The following MCC variants were observed in gnomAD, a reference collection of about 807,000 sequenced individuals.
MCC encodes the protein colorectal mutant cancer protein.
A neutral mutation model predicts 116.2 loss-of-function variants in MCC; 90 were observed. That is an observed-to-expected ratio of 0.77 (90% CI 0.65 to 0.92). The LOEUF (loss-of-function observed/expected upper bound fraction) is 0.92. MCC is among the 40% of genes least tolerant of loss of function. MCC has a pLI of 0.00. For synonymous variants in MCC, 578 were observed against 510.5 expected (o/e 1.13, Z -1.78); for missense variants, 1,516 against 1,312.2 (o/e 1.16, Z -2.40).
intron 4 of MCC, among the ~76,000 whole-genome samples, chr5:113,150,149 G>C (rs1013650504): frequency 2.0e-4 from 30 of 152,136 alleles, no homozygotes; most frequent in African/African-American, 7.2e-4. Context: ...ACAAAGGAAA[G>C]AAAAGGTCCA....
At chr5:113,097,120 AC>A (rs1756073099) in intron 8 of MCC, among the ~76,000 whole-genome samples, 1 of 152,368 alleles carries the variant, frequency 6.6e-6, no homozygotes, top group East Asian at 1.9e-4. Flanking sequence ...TCCATAAAGG[AC>A]AAAAAAGAAG....
rs1443837313 is a variant in MCC at position 113,053,845 on chromosome 5, G to T, written c.2328C>A (p.Thr776=). Residue 776 remains threonine, a synonymous_variant, in exon 15 of 19, where the codon ACC becomes ACA. Coordinates refer to ENST00000408903, the MANE Select transcript of MCC (RefSeq NM_001085377.2). ...TGTGGATGCTTTCCAGCTCCAGCATGGTCAGCTTGACCGCAGCCCTGTCAT... is the reference window on the plus strand; with the variant it reads ...TGTGGATGCTTTCCAGCTCCAGCATTGTCAGCTTGACCGCAGCCCTGTCAT... ...LKNDRAAVKL[T]MLELESIHID... 2 of 1,613,940 alleles carry T rather than the reference G, an allele frequency of 1.2e-6. No individual in the cohort carries two copies. Among genetic ancestry groups the T allele is most frequent in the African/African-American group, 2.7e-5 (2 of 74,884 alleles).
chr5:113,154,467 T>C (rs1760059713), intron 3 of MCC, among the ~76,000 whole-genome samples: 1 of 152,206 alleles, frequency 6.6e-6, no homozygotes. Flanking sequence ...ACGGAGTAGG[T>C]GAGGAGAGGA....
In MCC at chr5:113,372,883, T is replaced by A. The variant is rs560571287; in HGVS notation, c.415+12085A>T. Among the ~76,000 whole-genome samples, 308 of 152,016 alleles carry A rather than the reference T, an allele frequency of 2.0e-3. 1 individual carries two copies. In the Middle Eastern group the frequency reaches 0.024, roughly 12 times the overall value. On this transcript the variant is annotated intron_variant, in intron 2 of 18. Transcript: ENST00000408903. ...AAAACACTGTTTAAAGACACATGTA[T>A]AAAAGATGTTTCTGTCCGGGCGTGG...
At chr5:113,076,425 C>G (rs1232440752) in intron 11 of MCC, among the ~76,000 whole-genome samples, 1 of 152,018 alleles carries the variant, frequency 6.6e-6, no homozygotes, top group African/African-American at 2.4e-5. Flanking sequence ...GTCGGGTTAC[C>G]CACAAAGGGA....
chr5:113,350,414 G>C (rs1483117618), intron 2 of MCC, among the ~76,000 whole-genome samples: 1 of 152,060 alleles, frequency 6.6e-6, no homozygotes, highest in Non-Finnish European at 1.5e-5. Context: ...ATTCATTTTT[G>C]ACAAAGGTGT....
rs116796033 is a variant in MCC at position 113,473,993 on chromosome 5, C to T, written c.170+14252G>A. On this transcript the variant is annotated intron_variant, in intron 1 of 18. Coordinates refer to ENST00000408903, the MANE Select transcript of MCC (RefSeq NM_001085377.2). The stretch of plus-strand genomic sequence containing the variant: ...GATGTGAGACTTATCTAAAGTTACA[C>T]GACCAGTTAGTAGCAGGGGCACTGA... Among the ~76,000 whole-genome samples, 908 of 152,284 alleles carry T rather than the reference C, an allele frequency of 6.0e-3. 9 individuals carry two copies. The highest frequency in any genetic ancestry group is 0.021 in the African/African-American group (867 of 41,560).
intron 5 of MCC, among the ~76,000 whole-genome samples, chr5:113,133,240 T>C (rs1011328284): frequency 6.6e-6 from 1 of 152,128 alleles, no homozygotes; most frequent in African/African-American, 2.4e-5. Flanking sequence ...TTACTTCTTC[T>C]ATCTACCTAT....
At chr5:113,112,915 C>G (rs1757180840) in intron 6 of MCC, among the ~76,000 whole-genome samples, 1 of 152,242 alleles carries the variant, frequency 6.6e-6, no homozygotes, top group African/African-American at 2.4e-5. Context: ...TTATCACAGC[C>G]TGCTAATAGG....
chr5:113,358,193 T>C (rs1396607390), intron 2 of MCC, among the ~76,000 whole-genome samples: 1 of 152,210 alleles, frequency 6.6e-6, no homozygotes, highest in Non-Finnish European at 1.5e-5. Flanking sequence ...TACATTTCTC[T>C]GAGTATGGAA....
At chr5:113,273,047 G>A (rs1216123132) in intron 3 of MCC, among the ~76,000 whole-genome samples, 4 of 152,130 alleles carry the variant, frequency 2.6e-5, no homozygotes, top group African/African-American at 9.7e-5. Flanking sequence ...TCACTATTGT[G>A]AAAACATTAA....
intron 1 of MCC, among the ~76,000 whole-genome samples, chr5:113,400,969 G>C (rs1769667362): frequency 6.6e-6 from 1 of 152,094 alleles, no homozygotes; most frequent in Non-Finnish European, 1.5e-5. Flanking sequence ...GCTAAGCAAT[G>C]GACCCCAGAT....
intron 17 of MCC, among the ~76,000 whole-genome samples, chr5:113,035,623 C>T (rs2150210147): frequency 6.6e-6 from 1 of 152,300 alleles, no homozygotes; most frequent in Non-Finnish European, 1.5e-5. Context: ...AGGTCCTCAA[C>T]ACAGCCCTGC....
At chr5:113,055,944 A>C (rs1752806348) in intron 14 of MCC, among the ~76,000 whole-genome samples, 2 of 152,230 alleles carry the variant, frequency 1.3e-5, no homozygotes, top group South Asian at 4.1e-4. Context: ...GGATGGCAAC[A>C]TCAACTCTTC....
Position 113,454,094 on chromosome 5 carries a change from A to G in MCC, c.170+34151T>C, listed in dbSNP as rs988111777. Among the ~76,000 whole-genome samples the G allele has an allele frequency of 2.6e-5, 4 of 152,160 alleles. No individual in the cohort carries two copies. The East Asian group carries it at 7.7e-4, about 29-fold the overall frequency. On this transcript the variant is annotated intron_variant, in intron 1 of 18. Transcript: ENST00000408903. ...CTATTGCACTCCAGCCTGGGCAACA[A>G]GAGCGAAACTCTGTCTCAAAAAAAA... is the stretch of plus-strand genomic sequence containing the variant.
At chr5:113,322,719 A>C (rs1767448422) in intron 3 of MCC, among the ~76,000 whole-genome samples, 1 of 152,230 alleles carries the variant, frequency 6.6e-6, no homozygotes, top group Non-Finnish European at 1.5e-5. Context: ...ACTATATATT[A>C]GGCACTGGGC....
intron 1 of MCC, among the ~76,000 whole-genome samples, chr5:113,446,601 G>A (rs533575224): frequency 1.3e-5 from 2 of 152,352 alleles, no homozygotes; most frequent in African/African-American, 4.8e-5. Context: ...AATGACAGAT[G>A]CTGGTGAGGC....
At chr5:113,310,873 C>T (rs557067964) in intron 3 of MCC, among the ~76,000 whole-genome samples, 2 of 152,166 alleles carry the variant, frequency 1.3e-5, no homozygotes, top group Non-Finnish European at 2.9e-5. Flanking sequence ...TAAATTAATG[C>T]TTTTTCATAT....
intron 1 of MCC, among the ~76,000 whole-genome samples, chr5:113,484,179 G>A (rs540351936): frequency 6.6e-6 from 1 of 152,096 alleles, no homozygotes; most frequent in Admixed American, 6.6e-5. Flanking sequence ...CATAACTAAT[G>A]GGTACTAGGC....
Sources: allele counts gnomAD v4.1 joint callset (sites outside exome capture counted in the v4.1 genomes callset), GRCh38; gene constraint gnomAD v4.1.1; transcripts MANE v1.5; gene names NCBI Gene and HGNC (gene_info 2026-07-23, HGNC 2026-07-21).